MARCHF9: variants seen among roughly 807,000 people sequenced by gnomAD.
The protein encoded by MARCHF9 is membrane associated ring-CH-type finger 9.
Under a neutral mutation model 35.2 loss-of-function variants are expected in MARCHF9, and 17 were observed. The observed-to-expected ratio is 0.48, with a 90% CI of 0.33 to 0.72. The LOEUF is 0.72. MARCHF9 is among the 30% of genes least tolerant of loss of function. The probability of loss-of-function intolerance (pLI) is 0.02; values close to 1 mark genes in which losing one functional copy is unlikely to be tolerated. For synonymous variants in MARCHF9, 183 were observed against 207.4 expected, an observed-to-expected ratio of 0.88 and a Z score of 1.01; for missense variants, 386 against 478.2, an observed-to-expected ratio of 0.81 and a Z score of 1.80.
At chr12:57,755,932 C>A in intron 1 of MARCHF9, 47 bp downstream of exon 1, 1 of 1,350,150 alleles carries the variant, frequency 7.4e-7, no homozygotes. Context: ...AGGCGCGCAC[C>A]TGGGGTGTCA....
chr12:57,759,600 A>G lies in MARCHF9; in HGVS notation c.*703A>G, dbSNP rs1254083688. ...CAGCACTCCGAGGTATCTAAAGGGT[A>G]GACCTGGACCTGCCACCTATGAGTT... is the stretch of plus-strand genomic sequence containing the variant. On this transcript the variant is annotated 3_prime_UTR_variant, in exon 4 of 4. Coordinates refer to ENST00000266643, the MANE Select transcript of MARCHF9 (RefSeq NM_138396.6). 1 of 152,220 alleles carries G rather than the reference A, an allele frequency of 6.6e-6. No individual in the cohort carries two copies. Among genetic ancestry groups the G allele is most frequent in the African/African-American group, 2.4e-5 (1 of 41,456 alleles). 9.4% of individuals were successfully genotyped at this position (152,220 alleles called of 1,614,324 possible).
rs1055279989 is a variant in MARCHF9 at position 57,759,047 on chromosome 12, G to C, written c.*150G>C. Reference sequence around the variant, plus strand: ...TGGGTAGCCTCAAGCTGGAGACATTGTCTGGCCTCACTGCCCACTGGGTAG... The same window carrying C: ...TGGGTAGCCTCAAGCTGGAGACATTCTCTGGCCTCACTGCCCACTGGGTAG... On this transcript the variant is annotated 3_prime_UTR_variant, in exon 4 of 4. Coordinates refer to ENST00000266643, the MANE Select transcript of MARCHF9 (RefSeq NM_138396.6). 1.3e-6 allele frequency: 1 copy of C among 788,716 alleles called. No individual in the cohort carries two copies. Among genetic ancestry groups the C allele is most frequent in the African/African-American group, 1.7e-5 (1 of 57,466 alleles). 48.9% of individuals were successfully genotyped at this position (788,716 alleles called of 1,614,324 possible). A position where few individuals can be genotyped will look rare whatever the true frequency, so the allele number is the denominator to read the frequency against.
intron 2 of MARCHF9, chr12:57,757,335 C>CA (rs1438309811): frequency 0.016 from 5,042 of 320,940 alleles, 20 homozygotes; most frequent in Middle Eastern, 0.03. Flanking sequence ...CCACCCGCCA[C>CA]AAAAAAAAAG....
chr12:57,758,791 G>T lies in MARCHF9; in HGVS notation c.935G>T (p.Arg312Leu), dbSNP rs374407276. The change falls in exon 4 of 4, where the codon CGC becomes CTC. Residue 312 changes from arginine to leucine, a missense_variant. This residue lies in a region of MARCHF9 where 111 missense variants were observed against 112.4 expected (regional missense o/e 0.99). Transcript: ENST00000266643. This position sits in a 1 kb window ranked among gnomAD's most constrained non-coding sequence, Gnocchi z 5.4. ...AQRMRTLLPQ[R>L]CGYTILHLLG... Reference sequence around the variant, plus strand: ...CGCATGCGGACGCTCTTGCCTCAGCGCTGCGGTTATACAATCTTGCACCTC... The same window carrying T: ...CGCATGCGGACGCTCTTGCCTCAGCTCTGCGGTTATACAATCTTGCACCTC... 4 of 1,613,442 alleles carry T rather than the reference G, an allele frequency of 2.5e-6. No homozygotes were observed. In the South Asian group the frequency reaches 3.3e-5, roughly 13 times the overall value.
In MARCHF9 at chr12:57,755,465, TCCCCTCC is replaced by T; in HGVS notation, c.-59_-53del. ...GCGCCCCCTTCCCGGCCTTGTCCTC[TCCCCTCC>T]CCCCGCCGCTAGCGAGCCCCCCTTG... On this transcript the variant is annotated 5_prime_UTR_variant, in exon 1 of 4. Transcript: ENST00000266643. 1 of 564,112 alleles carries T rather than the reference TCCCCTCC, an allele frequency of 1.8e-6. No individual in the cohort carries two copies. The highest frequency in any genetic ancestry group is 2.5e-6 in the Non-Finnish European group (1 of 404,360). 34.9% of individuals were successfully genotyped at this position (564,112 alleles called of 1,614,324 possible). A position where few individuals can be genotyped will look rare whatever the true frequency, so the allele number is the denominator to read the frequency against.
chr12:57,756,084 G>A (rs1955286341), intron 1 of MARCHF9, 199 bp downstream of exon 1: 2 of 339,622 alleles, frequency 5.9e-6, no homozygotes, highest in Non-Finnish European at 1.1e-5. Flanking sequence ...CCCCAGGAAG[G>A]GGTGGGGCTT....
At position 57,758,410 on chromosome 12, in the gene MARCHF9, T is replaced by C. The variant is rs757446794; in HGVS notation, c.706+110T>C. ...CTTTATTTTCTGCCACTGTAGCCTT[T>C]AGTGCTATCCTGGTGCCCCCTCAAC... On this transcript the variant is annotated intron_variant, in intron 3 of 3. Coordinates refer to ENST00000266643, the MANE Select transcript of MARCHF9 (RefSeq NM_138396.6). This position sits in a 1 kb window ranked among gnomAD's most constrained non-coding sequence, Gnocchi z 5.4. The C allele has an allele frequency of 6.5e-6, 9 of 1,378,092 alleles. No homozygotes were observed. The highest frequency in any genetic ancestry group is 2.5e-5 in the East Asian group (1 of 40,534). The allele number at this position is 1,378,092 out of a possible 1,614,324, so 85.4% of individuals were successfully genotyped here.
In MARCHF9 at chr12:57,755,505, C is replaced by T; in HGVS notation, c.-24C>T. On this transcript the variant is annotated 5_prime_UTR_variant, in exon 1 of 4. Transcript: ENST00000266643. ...GCTAGCGAGCCCCCCTTGCACGCTG[C>T]CCCCCGCCCCCGGTGTCCGGACGAT... 1.5e-5 allele frequency: 10 copies of T among 650,210 alleles called. No homozygotes were observed. Among genetic ancestry groups the T allele is most frequent in the Non-Finnish European group, 2.0e-5 (10 of 491,198 alleles). 40.3% of individuals were successfully genotyped at this position (650,210 alleles called of 1,614,324 possible).
In MARCHF9 at chr12:57,758,309, A is replaced by G. The variant is rs368671275; in HGVS notation, c.706+9A>G. The G allele has an allele frequency of 2.7e-4, 433 of 1,601,044 alleles. No homozygotes were observed. Among genetic ancestry groups the G allele is most frequent in the Admixed American group, 5.2e-4 (31 of 59,708 alleles). ...GGATGTCGTCTGCATAGGTGAGGGC[A>G]CCTCTCTCTCCTTTACCTGCTCTGT... On this transcript the variant is annotated intron_variant, in intron 3 of 3. Transcript: ENST00000266643. This position sits in a 1 kb window ranked among gnomAD's most constrained non-coding sequence, Gnocchi z 5.4.
Position 57,755,766 on chromosome 12 carries a change from CCGCCGCCCG to C in MARCHF9, c.246_254del (p.Ala83_Pro85del), listed in dbSNP as rs923889516. ...CAAGGAGCCGCGGGCCGGACCCCTG[CCGCCGCCCG>C]CGCCGCCGCTGCCGCCCCCGGGCGC... On this transcript the variant is annotated inframe_deletion, in exon 1 of 4. Transcript: ENST00000266643. 13 of 1,258,266 alleles carry C rather than the reference CCGCCGCCCG, an allele frequency of 1.0e-5. No homozygotes were observed. In the African/African-American group the frequency reaches 1.4e-4, roughly 14 times the overall value. The allele number at this position is 1,258,266 out of a possible 1,614,324, so 77.9% of individuals were successfully genotyped here.
chr12:57,756,018 C>A (rs1448343828), intron 1 of MARCHF9, 133 bp downstream of exon 1: 3 of 571,716 alleles, frequency 5.2e-6, no homozygotes, highest in Non-Finnish European at 7.8e-6. Flanking sequence ...TGGGGTGAGG[C>A]CGAGGGGCTG....
Position 57,758,494 on chromosome 12 carries a change from C to A in MARCHF9, c.707-69C>A. 6.8e-7 allele frequency: 1 copy of A among 1,473,188 alleles called. No homozygotes were observed. The highest frequency in any genetic ancestry group is 9.1e-7 in the Non-Finnish European group (1 of 1,096,192). 91.3% of individuals were successfully genotyped at this position (1,473,188 alleles called of 1,614,324 possible). On this transcript the variant is annotated intron_variant, in intron 3 of 3. Transcript: ENST00000266643. This position sits in a 1 kb window ranked among gnomAD's most constrained non-coding sequence, Gnocchi z 5.4. ...TGTATCTTCTCACTCTGAAGAAATGCTTGCTTAAGTACCTCTGGCCTAGAT... is the reference window on the plus strand; with the variant it reads ...TGTATCTTCTCACTCTGAAGAAATGATTGCTTAAGTACCTCTGGCCTAGAT...
rs1955297854 is a variant in MARCHF9, at chr12:57,758,027, A to G, written c.514-81A>G. The G allele has an allele frequency of 2.0e-6, 3 of 1,480,006 alleles. No individual in the cohort carries two copies. The highest frequency in any genetic ancestry group is 1.9e-6 in the Non-Finnish European group (2 of 1,059,656). The allele number at this position is 1,480,006 out of a possible 1,614,324, so 91.7% of individuals were successfully genotyped here. ...TGAAGGTTTTAGGGAAGGTTCCTGG[A>G]GCACCCTGCTCTTCAGGGCCACCCA... On this transcript the variant is annotated intron_variant, in intron 2 of 3. Transcript: ENST00000266643. This position sits in a 1 kb window ranked among gnomAD's most constrained non-coding sequence, Gnocchi z 5.4.
At chr12:57,757,594 C>G (rs902281965) in intron 2 of MARCHF9, 1 of 220,956 alleles carries the variant, frequency 4.5e-6, no homozygotes, top group East Asian at 1.3e-4. Flanking sequence ...TGCAGTGAGC[C>G]GAGATCACAG....
Position 57,755,734 on chromosome 12 carries a change from C to A in MARCHF9, c.206C>A (p.Ala69Asp). ...YGSEPRARGL[A>D]GDKEPRAGPL... The stretch of plus-strand genomic sequence containing the variant: ...TCGGAGCCGCGGGCCCGGGGCCTGG[C>A]CGGCGACAAGGAGCCGCGGGCCGGA... The change falls in exon 1 of 4, where the codon GCC (alanine) becomes GAC (aspartate). Residue 69 changes from alanine to aspartate, a missense_variant. This residue lies in a region of MARCHF9 where 219 missense variants were observed against 316.2 expected (regional missense o/e 0.69). Coordinates refer to ENST00000266643, the MANE Select transcript of MARCHF9 (RefSeq NM_138396.6). 9.8e-6 allele frequency: 12 copies of A among 1,219,278 alleles called. 1 individual carries two copies. Among genetic ancestry groups the A allele is most frequent in the Non-Finnish European group, 1.2e-5 (12 of 982,828 alleles). The allele number at this position is 1,219,278 out of a possible 1,614,324, so 75.5% of individuals were successfully genotyped here.
chr12:57,757,823 C>G, intron 2 of MARCHF9: 1 of 600,840 alleles, frequency 1.7e-6, no homozygotes, highest in Non-Finnish European at 3.0e-6. Context: ...GATTTGAAAA[C>G]TTACCCAAGG....
At chr12:57,756,363 A>T (rs183659833) in intron 1 of MARCHF9, among the ~76,000 whole-genome samples, 14 of 148,626 alleles carry the variant, frequency 9.4e-5, no homozygotes, top group African/African-American at 3.1e-4. Flanking sequence ...TTAAAATTTT[A>T]TGGGCAAAGT....
At position 57,758,831 on chromosome 12, in the gene MARCHF9, G is replaced by A. The variant is rs763248801; in HGVS notation, c.975G>A (p.Arg325=). ...TCTTGCACCTCCTTGGGCAGCTGCG[G>A]CCACCAGATGCCCGTTCCAGCTCCC... ...YTILHLLGQL[R]PPDARSSSHS... The change falls in exon 4 of 4, where the codon CGG becomes CGA. Residue 325 remains arginine, a synonymous_variant. Transcript: ENST00000266643. The surrounding 1 kb of genome is among the most constrained non-coding windows in gnomAD (Gnocchi z 5.4). The A allele has an allele frequency of 1.2e-6, 2 of 1,610,586 alleles. No individual in the cohort carries two copies. The highest frequency in any genetic ancestry group is 2.7e-5 in the African/African-American group (2 of 75,014).
In MARCHF9 at chr12:57,758,766, C is replaced by A; in HGVS notation, c.910C>A (p.Arg304Ser). The A allele has an allele frequency of 6.2e-7, 1 of 1,612,700 alleles. No homozygotes were observed. The highest frequency in any genetic ancestry group is 8.5e-7 in the Non-Finnish European group (1 of 1,179,490). The change falls in exon 4 of 4, where the codon CGC becomes AGC. Residue 304 changes from arginine to serine, a missense_variant. Coordinates refer to ENST00000266643, the MANE Select transcript of MARCHF9 (RefSeq NM_138396.6). This position sits in a 1 kb window ranked among gnomAD's most constrained non-coding sequence, Gnocchi z 5.4. ...CACGAGCCGCCCCCCAGCTGCCCAGCGCATGCGGACGCTCTTGCCTCAGCG... is the reference window on the plus strand; with the variant it reads ...CACGAGCCGCCCCCCAGCTGCCCAGAGCATGCGGACGCTCTTGCCTCAGCG... ...GATSRPPAAQ[R>S]MRTLLPQRCG... is the part of the protein sequence containing the mutation.
Sources: gnomAD v4.1 joint callset for allele counts (sites outside exome capture counted in the v4.1 genomes callset) on GRCh38, gnomAD v4.1.1 for gene constraint, gnomAD v4.1.1 regional missense constraint, Gnocchi (gnomAD v3.1) non-coding constraint, MANE v1.5 for transcripts, NCBI Gene and HGNC (gene_info 2026-07-23, HGNC 2026-07-21) for gene names.